The following RPS6KA2 variants were observed in gnomAD, a reference collection of about 807,000 sequenced individuals.
RPS6KA2 encodes the protein ribosomal protein S6 kinase A2, also known as ribosomal protein S6 kinase alpha-2.
A neutral mutation model predicts 91.8 loss-of-function variants in RPS6KA2; 42 were observed. That is an observed-to-expected ratio of 0.46 (90% confidence interval 0.36 to 0.59). RPS6KA2 has a LOEUF of 0.59. Ranked by LOEUF, RPS6KA2 falls within the 20% of genes least tolerant of loss-of-function variation. RPS6KA2 has a pLI of 0.00. For synonymous variants in RPS6KA2, 414 were observed against 393.6 expected (o/e 1.05, Z -0.61); for missense variants, 798 against 978.5 (o/e 0.82, Z 2.46).
chr6:166,656,052 C>T (rs1369519425), intron 2 of RPS6KA2, among the ~76,000 whole-genome samples: 1 of 152,194 alleles, frequency 6.6e-6, no homozygotes, highest in Non-Finnish European at 1.5e-5. Context: ...TGAGTGTGCA[C>T]AGCACACACC....
intron 2 of RPS6KA2, among the ~76,000 whole-genome samples, chr6:166,759,885 C>T (rs1445157352): frequency 6.6e-6 from 1 of 152,220 alleles, no homozygotes; most frequent in Non-Finnish European, 1.5e-5. Flanking sequence ...GAGGTTTGTG[C>T]TTGGTGAAGC....
At position 166,488,820 on chromosome 6, in the gene RPS6KA2, C is replaced by CG; in HGVS notation, c.907+12dup. ...TGCACGTTCCCGTGGTGGGGTGTCC[C>CG]GGGGAATCTTACCCAGCCGGTTGCA... On this transcript the variant is annotated intron_variant, in intron 10 of 20. Coordinates refer to ENST00000265678, the MANE Select transcript of RPS6KA2 (RefSeq NM_021135.6). 6.2e-7 allele frequency: 1 copy of CG among 1,607,374 alleles called. No homozygotes were observed. Among genetic ancestry groups the CG allele is most frequent in the Non-Finnish European group, 8.5e-7 (1 of 1,175,920 alleles).
At chr6:166,835,526 A>T (rs1219639702) in intron 2 of RPS6KA2, among the ~76,000 whole-genome samples, 1 of 152,222 alleles carries the variant, frequency 6.6e-6, no homozygotes, top group Non-Finnish European at 1.5e-5. Flanking sequence ...ACTGTATGTC[A>T]TTTTAATTTC....
intron 5 of RPS6KA2, among the ~76,000 whole-genome samples, chr6:166,505,225 G>T (rs2128480236): frequency 6.6e-6 from 1 of 152,214 alleles, no homozygotes; most frequent in South Asian, 2.1e-4. Context: ...CAGGTGTTGG[G>T]GTTGGCAGCC....
intron 2 of RPS6KA2, among the ~76,000 whole-genome samples, chr6:166,836,965 T>C (rs952065176): frequency 3.9e-5 from 6 of 152,166 alleles, no homozygotes; most frequent in Non-Finnish European, 7.3e-5. Context: ...CTCGGGCACC[T>C]GCAGCTGAGC....
At chr6:166,839,982 A>C (rs972907030) in intron 2 of RPS6KA2, among the ~76,000 whole-genome samples, 1 of 139,080 alleles carries the variant, frequency 7.2e-6, no homozygotes, top group Admixed American at 7.5e-5. Flanking sequence ...GAATGAAATT[A>C]GTATTATTCC....
intron 2 of RPS6KA2, among the ~76,000 whole-genome samples, chr6:166,661,841 G>A (rs1426295595): frequency 6.6e-6 from 1 of 152,042 alleles, no homozygotes; most frequent in African/African-American, 2.4e-5. Flanking sequence ...TTATTTGACT[G>A]TGGCCCATCT....
At position 166,433,752 on chromosome 6, in the gene RPS6KA2, C is replaced by CTGT. The variant is rs1779210941; in HGVS notation, c.1333-1263_1333-1262insACA. Among the ~76,000 whole-genome samples, 5 of 152,086 alleles carry CTGT rather than the reference C, an allele frequency of 3.3e-5. No individual in the cohort carries two copies. The highest frequency in any genetic ancestry group is 6.6e-5 in the Admixed American group (1 of 15,260). ...TCTAGGCAGAGCTTTGCATAAAACT[C>CTGT]TATTTCGTTAATTTTTTTTGGAGAC... On this transcript the variant is annotated intron_variant, in intron 14 of 20. Transcript: ENST00000265678. This position sits in a 1 kb window ranked among gnomAD's most constrained non-coding sequence, Gnocchi z 4.4.
rs1778778405 is a variant in RPS6KA2 at position 166,423,012 on chromosome 6, A to AAAAT, written c.1743+240_1743+243dup. Among the ~76,000 whole-genome samples the AAAAT allele has an allele frequency of 6.6e-6, 1 of 152,238 alleles. No individual in the cohort carries two copies. The highest frequency in any genetic ancestry group is 2.4e-5 in the African/African-American group (1 of 41,458). On this transcript the variant is annotated intron_variant, in intron 17 of 20. Coordinates refer to ENST00000265678, the MANE Select transcript of RPS6KA2 (RefSeq NM_021135.6). The surrounding 1 kb of genome is among the most constrained non-coding windows in gnomAD (Gnocchi z 4.8). Reference sequence around the variant, plus strand: ...TGTCTACAGAAGACAATTTTACATAAAAATGTTACTGTTGAAAAGTTTTTT... The same window carrying AAAAT: ...TGTCTACAGAAGACAATTTTACATAAAAATAAATGTTACTGTTGAAAAGTTTTTT...
rs558945055 is a variant in RPS6KA2, at chr6:166,448,881, G to A, written c.1207-32C>T. The A allele has an allele frequency of 1.5e-4, 248 of 1,611,864 alleles. No individual in the cohort carries two copies. Among genetic ancestry groups the A allele is most frequent in the Middle Eastern group, 1.3e-3 (8 of 6,048 alleles). ...AGGGACCAAGAGAAGAAGAGTTGTC[G>A]GAACCCTCACACGAGGGGACGGTGC... On this transcript the variant is annotated intron_variant, in intron 13 of 20. Transcript: ENST00000265678. This position sits in a 1 kb window ranked among gnomAD's most constrained non-coding sequence, Gnocchi z 4.7.
At chr6:166,795,812 G>A (rs1234632888) in intron 2 of RPS6KA2, among the ~76,000 whole-genome samples, 1 of 152,188 alleles carries the variant, frequency 6.6e-6, no homozygotes, top group East Asian at 1.9e-4. Context: ...TAAAAGGTGG[G>A]ACTTGAGCCT....
intron 2 of RPS6KA2, among the ~76,000 whole-genome samples, chr6:166,736,745 T>C (rs942592773): frequency 1.3e-5 from 2 of 152,080 alleles, no homozygotes; most frequent in African/African-American, 2.4e-5. Context: ...CCTGTGTCAG[T>C]GTATCAGGAA....
intron 2 of RPS6KA2, among the ~76,000 whole-genome samples, chr6:166,793,669 G>C (rs1359162082): frequency 6.6e-6 from 1 of 152,050 alleles, no homozygotes; most frequent in Non-Finnish European, 1.5e-5. Context: ...CAGAACAATG[G>C]AACAGAACAG....
At chr6:166,745,190 T>C (rs13199433) in intron 2 of RPS6KA2, among the ~76,000 whole-genome samples, 66,413 of 145,578 alleles carry the variant, frequency 0.46, 15,573 homozygotes, top group Non-Finnish European at 0.48. Context: ...TTGCCCTTGT[T>C]GCCCAGGCTG....
At chr6:166,478,664 T>C (rs942588933) in intron 10 of RPS6KA2, among the ~76,000 whole-genome samples, 1 of 152,216 alleles carries the variant, frequency 6.6e-6, no homozygotes, top group Non-Finnish European at 1.5e-5. Context: ...AACGTTCCTC[T>C]GTTCTGTCCC....
intron 12 of RPS6KA2, among the ~76,000 whole-genome samples, chr6:166,452,731 G>A (rs77863073): frequency 0.017 from 2,568 of 152,190 alleles, 62 homozygotes; most frequent in East Asian, 0.1. Flanking sequence ...AAATGATACC[G>A]GGAAAATTAG....
intron 3 of RPS6KA2, among the ~76,000 whole-genome samples, chr6:166,510,640 C>A: frequency 7.8e-6 from 1 of 128,310 alleles, no homozygotes; most frequent in African/African-American, 3.1e-5. Context: ...AAATTGTAGG[C>A]AGCACGACAT....
chr6:166,667,664 C>T (rs773077031), intron 2 of RPS6KA2, among the ~76,000 whole-genome samples: 10 of 152,180 alleles, frequency 6.6e-5, no homozygotes, highest in South Asian at 2.1e-4. Context: ...CTGTGCACCC[C>T]GACCCCCTGC....
intron 2 of RPS6KA2, among the ~76,000 whole-genome samples, chr6:166,758,560 G>A (rs656938): frequency 0.6 from 91,131 of 152,080 alleles, 27,582 homozygotes; most frequent in South Asian, 0.71. Context: ...CACTGGCGGA[G>A]TTTCCTTTGT....
Sources: gnomAD v4.1 joint callset for allele counts (sites outside exome capture counted in the v4.1 genomes callset) on GRCh38, gnomAD v4.1.1 for gene constraint, Gnocchi (gnomAD v3.1) non-coding constraint, MANE v1.5 for transcripts, NCBI Gene and HGNC (gene_info 2026-07-23, HGNC 2026-07-21) for gene names.